TRPS1: variants seen among roughly 807,000 people sequenced by gnomAD.
TRPS1 encodes the protein transcriptional repressor GATA binding 1, also known as zinc finger transcription factor Trps1.
Under a neutral mutation model 101.2 loss-of-function variants are expected in TRPS1, and 6 were observed. That is an observed-to-expected ratio of 0.06 (90% CI 0.03 to 0.12). The LOEUF (loss-of-function observed/expected upper bound fraction) is 0.12. Among genes scored for constraint, TRPS1 ranks in the 10% least tolerant of loss-of-function variants. The pLI is 1.00. For synonymous variants in TRPS1, 578 were observed against 589.8 expected (o/e 0.98, Z 0.29); for missense variants, 1,363 against 1,567.0 (o/e 0.87, Z 2.20).
chr8:115,644,960 C>T (rs1818991062), intron 1 of TRPS1, among the ~76,000 whole-genome samples: 1 of 151,936 alleles, frequency 6.6e-6, no homozygotes, highest in Non-Finnish European at 1.5e-5. Flanking sequence ...TTCATGGCTC[C>T]CCAAAACAAT....
chr8:115,634,952 G>C (rs1818734043), intron 1 of TRPS1, among the ~76,000 whole-genome samples: 1 of 151,822 alleles, frequency 6.6e-6, no homozygotes, highest in African/African-American at 2.4e-5. Flanking sequence ...TGAAATAAAA[G>C]TGGAATTCTC....
At chr8:115,434,567 G>C (rs968853339) in intron 5 of TRPS1, among the ~76,000 whole-genome samples, 6 of 152,092 alleles carry the variant, frequency 3.9e-5, no homozygotes, top group Non-Finnish European at 5.9e-5. Context: ...ATATAATTGA[G>C]TTCATGGTTT....
At chr8:115,475,267 T>TTG (rs1814573091) in intron 5 of TRPS1, among the ~76,000 whole-genome samples, 1 of 2,914 alleles carries the variant, frequency 3.4e-4, no homozygotes, top group African/African-American at 6.1e-4. Flanking sequence ...GAATCACAGT[T>TTG]ATATATATAT....
At chr8:115,577,011 G>A (rs956392163) in intron 5 of TRPS1, among the ~76,000 whole-genome samples, 12 of 152,144 alleles carry the variant, frequency 7.9e-5, no homozygotes, top group African/African-American at 2.7e-4. Context: ...GGAACTTTCA[G>A]GTAGGCAATT....
At chr8:115,628,100 A>AGT (rs1563655130) in intron 1 of TRPS1, among the ~76,000 whole-genome samples, 1 of 151,826 alleles carries the variant, frequency 6.6e-6, no homozygotes, top group Non-Finnish European at 1.5e-5. Context: ...TGTATCTCTA[A>AGT]AAATGAAGGG....
chr8:115,664,817 A>G (rs181884297), intron 1 of TRPS1, among the ~76,000 whole-genome samples: 7 of 152,274 alleles, frequency 4.6e-5, no homozygotes, highest in Admixed American at 1.3e-4. Context: ...AGACTACCAC[A>G]CTAGCTGTCC....
At chr8:115,642,221 GA>G (rs1192863124) in intron 1 of TRPS1, among the ~76,000 whole-genome samples, 13 of 22,310 alleles carry the variant, frequency 5.8e-4, no homozygotes, top group East Asian at 1.3e-3. Flanking sequence ...CTCAAAAAAA[GA>G]AAAAAAAAAG....
intron 5 of TRPS1, among the ~76,000 whole-genome samples, chr8:115,533,164 G>A (rs997492747): frequency 6.6e-6 from 1 of 152,108 alleles, no homozygotes; most frequent in East Asian, 1.9e-4. Flanking sequence ...ATTCTAGCTT[G>A]AGCAAACTTT....
intron 2 of TRPS1, among the ~76,000 whole-genome samples, chr8:115,620,462 C>T (rs1818369158): frequency 6.6e-6 from 1 of 151,922 alleles, no homozygotes; most frequent in African/African-American, 2.4e-5. Flanking sequence ...AACATGTACA[C>T]ATGTTATGTT....
chr8:115,538,857 A>T (rs1254164086), intron 5 of TRPS1, among the ~76,000 whole-genome samples: 1 of 152,208 alleles, frequency 6.6e-6, no homozygotes, highest in Non-Finnish European at 1.5e-5. Context: ...GAGGTTATAG[A>T]TCTATAGTTT....
At chr8:115,645,827 C>G (rs1355532811) in intron 1 of TRPS1, among the ~76,000 whole-genome samples, 1 of 152,038 alleles carries the variant, frequency 6.6e-6, no homozygotes, top group African/African-American at 2.4e-5. Context: ...AGACCTTGAA[C>G]TCGGCACTAT....
chr8:115,433,054 C>T (rs1354328144), intron 5 of TRPS1, among the ~76,000 whole-genome samples: 1 of 151,908 alleles, frequency 6.6e-6, no homozygotes, highest in Non-Finnish European at 1.5e-5. Context: ...GTATTACAAA[C>T]ATTTGTGGCC....
chr8:115,531,025 CAT>C (rs1166161326), intron 5 of TRPS1, among the ~76,000 whole-genome samples: 2 of 152,052 alleles, frequency 1.3e-5, no homozygotes, highest in African/African-American at 4.8e-5. Context: ...CACATGTATA[CAT>C]ATGTAACAAA....
At position 115,536,002 on chromosome 8, in the gene TRPS1, T is replaced by G. The variant is rs73703307; in HGVS notation, c.2700+50999A>C. On this transcript the variant is annotated intron_variant, in intron 5 of 6. Coordinates refer to ENST00000395715, the MANE Select transcript of TRPS1 (RefSeq NM_014112.5). ...CAAGAAAGCTACCATTTTCACATCA[T>G]AACATAATTTAAGACTGAATTGTAC... Among the ~76,000 whole-genome samples the G allele has an allele frequency of 8.3e-3, 1,257 of 152,176 alleles. 21 individuals carry two copies. The highest frequency in any genetic ancestry group is 0.029 in the African/African-American group (1,213 of 41,532).
rs773970185 is a variant in TRPS1, at chr8:115,619,179, T to C, written c.919A>G (p.Ile307Val). The stretch of plus-strand genomic sequence containing the variant: ...AGTAAAACAGGCCTTGAAGAATTGA[T>C]GTCCTGCAGCACACCAGAAAACACA... ...RSVFSGVLQD[I>V]NSSRPVLLNG... is the part of the protein sequence containing the mutation. Residue 307 changes from isoleucine (I) to valine (V), a missense_variant, in exon 3 of 7, where the codon ATC becomes GTC. Coordinates refer to ENST00000395715, the MANE Select transcript of TRPS1 (RefSeq NM_014112.5). 2 of 1,614,072 alleles carry C rather than the reference T, an allele frequency of 1.2e-6. No homozygotes were observed. The highest frequency in any genetic ancestry group is 2.7e-5 in the African/African-American group (2 of 74,940).
At position 115,619,690 on chromosome 8, in the gene TRPS1, C is replaced by T. The variant is rs1176675887; in HGVS notation, c.408G>A (p.Glu136=). 6.2e-7 allele frequency: 1 copy of T among 1,614,194 alleles called. No individual in the cohort carries two copies. The highest frequency in any genetic ancestry group is 1.1e-5 in the South Asian group (1 of 91,086). The part of the protein sequence containing the change: ...FSSPAAGGVC[E]PLKSPQRAEA... Reference sequence around the variant, plus strand: ...CTGCTCTTTGCGGAGACTTCAAGGGCTCACAGACTCCCCCAGCAGCTGGAG... The same window carrying T: ...CTGCTCTTTGCGGAGACTTCAAGGGTTCACAGACTCCCCCAGCAGCTGGAG... The change falls in exon 3 of 7, where the codon GAG becomes GAA. Residue 136 remains glutamate (E), a synonymous_variant. Transcript: ENST00000395715.
intron 5 of TRPS1, among the ~76,000 whole-genome samples, chr8:115,563,572 G>GA (rs1378154950): frequency 4.6e-5 from 7 of 152,062 alleles, no homozygotes; most frequent in African/African-American, 1.7e-4. Flanking sequence ...CACTATCTTA[G>GA]AGAAATTTAT....
chr8:115,581,892 T>C (rs1175810620), intron 5 of TRPS1, among the ~76,000 whole-genome samples: 2 of 152,174 alleles, frequency 1.3e-5, no homozygotes, highest in African/African-American at 2.4e-5. Context: ...TACATCTATA[T>C]GGCACAGAAG....
chr8:115,640,903 G>A (rs555048593), intron 1 of TRPS1, among the ~76,000 whole-genome samples: 176 of 152,242 alleles, frequency 1.2e-3, no homozygotes, highest in African/African-American at 3.9e-3. Flanking sequence ...GTCTGACAAT[G>A]GAACTTCTAC....
Sources: allele counts gnomAD v4.1 joint callset (sites outside exome capture counted in the v4.1 genomes callset), GRCh38; gene constraint gnomAD v4.1.1; transcripts MANE v1.5; gene names NCBI Gene and HGNC (gene_info 2026-07-23, HGNC 2026-07-21).